KATNAL1: variants seen among roughly 807,000 people sequenced by gnomAD.
The protein encoded by KATNAL1 is katanin catalytic subunit A1 like 1.
A neutral mutation model predicts 55.2 loss-of-function variants in KATNAL1; 32 were observed. The observed-to-expected ratio is 0.58, with a 90% CI of 0.44 to 0.78. The LOEUF (loss-of-function observed/expected upper bound fraction) is 0.78. KATNAL1 is among the 30% of genes least tolerant of loss of function. KATNAL1 has a pLI of 0.00. For missense variants in KATNAL1, 466 were observed against 600.9 expected, an observed-to-expected ratio of 0.78 and a Z score of 2.35; for synonymous variants, 193 against 193.6, an observed-to-expected ratio of 1.00 and a Z score of 0.02.
intron 3 of KATNAL1, among the ~76,000 whole-genome samples, chr13:30,258,969 C>A (rs1879015021): frequency 6.6e-6 from 1 of 152,170 alleles, no homozygotes; most frequent in African/African-American, 2.4e-5. Context: ...AAGTAGGAAT[C>A]TTTAAAATAT....
intron 3 of KATNAL1, among the ~76,000 whole-genome samples, chr13:30,274,907 G>GCGCGCGCGCGCGCACA (rs869107567): frequency 6.6e-5 from 7 of 105,388 alleles, no homozygotes; most frequent in East Asian, 2.7e-4. Flanking sequence ...GCGCGCGCGC[G>GCGCGCGCGCGCGCACA]CACACACACA....
chr13:30,277,973 A>C (rs1880977944), intron 3 of KATNAL1, among the ~76,000 whole-genome samples: 1 of 111,534 alleles, frequency 9.0e-6, no homozygotes, highest in African/African-American at 3.7e-5. Flanking sequence ...ACAGAGCGAG[A>C]CTCCGTCTCA....
intron 7 of KATNAL1, 81 bp from the exon 8 acceptor site, chr13:30,230,675 G>T: frequency 9.4e-7 from 1 of 1,059,698 alleles, no homozygotes; most frequent in Non-Finnish European, 1.3e-6. Flanking sequence ...TTAAAACAAT[G>T]GCAAAAGAGA....
chr13:30,238,594 C>CA (rs1202226856), intron 6 of KATNAL1, among the ~76,000 whole-genome samples: 1 of 152,218 alleles, frequency 6.6e-6, no homozygotes, highest in African/African-American at 2.4e-5. Context: ...CACAACCCTA[C>CA]AAATTGTAGC....
intron 3 of KATNAL1, among the ~76,000 whole-genome samples, chr13:30,266,042 A>C: frequency 1.4e-5 from 2 of 138,782 alleles, no homozygotes; most frequent in Admixed American, 7.5e-5. Flanking sequence ...AAAAAGTCTC[A>C]CTCACTCTGC....
At position 30,203,102 on chromosome 13, in the gene KATNAL1, A is replaced by T. The variant is rs890875853; in HGVS notation, c.*5438T>A. ...AACTCTAAGAAAATAGATGTGTGTTATGTTTGGAACTGCTGCTTTGAATGC... is the reference window on the plus strand; with the variant it reads ...AACTCTAAGAAAATAGATGTGTGTTTTGTTTGGAACTGCTGCTTTGAATGC... On this transcript the variant is annotated 3_prime_UTR_variant, in exon 11 of 11. Transcript: ENST00000380615. The T allele has an allele frequency of 1.3e-5, 2 of 152,240 alleles. No individual in the cohort carries two copies. The highest frequency in any genetic ancestry group is 4.1e-4 in the South Asian group (2 of 4,832). 9.4% of individuals were successfully genotyped at this position (152,240 alleles called of 1,614,324 possible).
chr13:30,253,600 G>A (rs1178045857), intron 4 of KATNAL1, among the ~76,000 whole-genome samples: 1 of 150,360 alleles, frequency 6.7e-6, no homozygotes, highest in Non-Finnish European at 1.5e-5. Flanking sequence ...GGGAGGTGGA[G>A]CCTGCAGTGA....
rs117365664 is a variant in KATNAL1, at chr13:30,256,886, G to A, written c.324-1271C>T. ...TCCAGTTAAACAAGTATTTACTGAG[G>A]CACCCATTAGGTGGTATATGGCCTC... On this transcript the variant is annotated intron_variant, in intron 3 of 10. Transcript: ENST00000380615. Among the ~76,000 whole-genome samples the A allele has an allele frequency of 8.9e-3, 1,349 of 152,260 alleles. 7 individuals are homozygous for A. The highest frequency in any genetic ancestry group is 0.013 in the Non-Finnish European group (852 of 68,028).
chr13:30,250,325 A>G (rs1878179682), intron 4 of KATNAL1, among the ~76,000 whole-genome samples: 1 of 152,242 alleles, frequency 6.6e-6, no homozygotes, highest in Non-Finnish European at 1.5e-5. Flanking sequence ...TTATTCTTCC[A>G]GTATTTGAAA....
intron 3 of KATNAL1, among the ~76,000 whole-genome samples, chr13:30,262,388 T>C (rs1189323075): frequency 2.0e-5 from 3 of 151,370 alleles, no homozygotes; most frequent in Non-Finnish European, 4.4e-5. Flanking sequence ...CTGAAGGAAA[T>C]AGAGACACAA....
chr13:30,270,932 A>T lies in KATNAL1; in HGVS notation c.323+9131T>A, dbSNP rs190468278. 2.0e-3 allele frequency among the ~76,000 whole-genome samples: 299 copies of T among 152,252 alleles called. 1 individual carries two copies. The highest frequency in any genetic ancestry group is 0.013 in the East Asian group (70 of 5,190). ...ATAAACAAAAAATAATAAAATAAAA[A>T]AAAAAAAAGAAAAATAAAGCTGACT... On this transcript the variant is annotated intron_variant, in intron 3 of 10. Transcript: ENST00000380615.
chr13:30,227,606 C>G, intron 8 of KATNAL1, 60 bp from the exon 9 acceptor site: 1 of 1,554,784 alleles, frequency 6.4e-7, no homozygotes, highest in Non-Finnish European at 8.8e-7. Context: ...TTCTTTCATT[C>G]AATTAACATT....
In KATNAL1 at chr13:30,307,400, C is replaced by CGCG. The variant is rs1051616030; in HGVS notation, c.-85_-84insCGC. The CGCG allele has an allele frequency of 6.5e-6, 1 of 154,714 alleles. No homozygotes were observed. Among genetic ancestry groups the CGCG allele is most frequent in the Non-Finnish European group, 1.4e-5 (1 of 70,294 alleles). The allele number at this position is 154,714 out of a possible 1,614,324, so 9.6% of individuals were successfully genotyped here. A position where few individuals can be genotyped will look rare whatever the true frequency, so the allele number is the denominator to read the frequency against. On this transcript the variant is annotated 5_prime_UTR_variant, in exon 1 of 11. Transcript: ENST00000380615. ...GGGGTGCGGGTGGGGCGCAGGCCGC[C>CGCG]GCCGCCGCCGCCGCCGAGTCCGTTA...
At chr13:30,227,570 GAT>G (rs1356995279) in intron 8 of KATNAL1, 24 bp from the exon 9 acceptor site, 2 of 1,591,922 alleles carry the variant, frequency 1.3e-6, no homozygotes, top group Non-Finnish European at 8.6e-7. Context: ...GGGAGGAAAA[GAT>G]AGTGTTTTTC....
At chr13:30,259,541 A>T (rs913153575) in intron 3 of KATNAL1, among the ~76,000 whole-genome samples, 1 of 152,196 alleles carries the variant, frequency 6.6e-6, no homozygotes, top group Admixed American at 6.5e-5. Flanking sequence ...GAAGCAGGGC[A>T]AGGCATTGCC....
intron 9 of KATNAL1, among the ~76,000 whole-genome samples, chr13:30,214,356 T>C (rs1873998772): frequency 6.6e-6 from 1 of 152,072 alleles, no homozygotes; most frequent in East Asian, 1.9e-4. Flanking sequence ...CCCAAGGTAA[T>C]TTATAGATTT....
intron 6 of KATNAL1, among the ~76,000 whole-genome samples, chr13:30,232,163 T>G: frequency 6.6e-6 from 1 of 152,186 alleles, no homozygotes; most frequent in Non-Finnish European, 1.5e-5. Flanking sequence ...AGAATAAAAA[T>G]TATTCAAAGA....
Position 30,232,727 on chromosome 13 carries a change from C to A in KATNAL1, c.727-1255G>T, listed in dbSNP as rs61946928. ...TACTGTACGATATTTATAAACTTCACCTCCTCATGACATTACTCCTTTAAT... is the reference window on the plus strand; with the variant it reads ...TACTGTACGATATTTATAAACTTCAACTCCTCATGACATTACTCCTTTAAT... On this transcript the variant is annotated intron_variant, in intron 6 of 10. Coordinates refer to ENST00000380615, the MANE Select transcript of KATNAL1 (RefSeq NM_032116.5). 4.4e-4 allele frequency among the ~76,000 whole-genome samples: 67 copies of A among 152,114 alleles called. 1 individual carries two copies. The highest frequency in any genetic ancestry group is 1.5e-3 in the African/African-American group (63 of 41,508).
chr13:30,238,438 T>G (rs1165953404), intron 6 of KATNAL1, among the ~76,000 whole-genome samples: 2 of 152,166 alleles, frequency 1.3e-5, no homozygotes, highest in Non-Finnish European at 2.9e-5. Context: ...CTTACCAATA[T>G]TCTATGCTGC....
Sources: gnomAD v4.1 joint callset for allele counts (sites outside exome capture counted in the v4.1 genomes callset) on GRCh38, gnomAD v4.1.1 for gene constraint, MANE v1.5 for transcripts, NCBI Gene and HGNC (gene_info 2026-07-23, HGNC 2026-07-21) for gene names.